The following FHIT variants were observed in gnomAD, a reference collection of about 807,000 sequenced individuals.
FHIT encodes bis(5'-adenosyl)-triphosphatase.
Under a neutral mutation model 17.9 loss-of-function variants are expected in FHIT, and 19 were observed. The ratio of observed to expected loss-of-function variants is 1.06; its 90% confidence interval spans 0.74 to 1.56. The LOEUF (loss-of-function observed/expected upper bound fraction) is 1.56. Among genes scored for constraint, FHIT ranks in the 40% most tolerant of loss-of-function variants. The probability of loss-of-function intolerance (pLI) is 0.00; values close to 1 mark genes in which losing one functional copy is unlikely to be tolerated. For synonymous variants in FHIT, 81 were observed against 69.7 expected, an observed-to-expected ratio of 1.16 and a Z score of -0.81; for missense variants, 248 against 189.2, an observed-to-expected ratio of 1.31 and a Z score of -1.82.
At chr3:60,888,798 A>T (rs2107162876) in intron 3 of FHIT, among the ~76,000 whole-genome samples, 1 of 152,312 alleles carries the variant, frequency 6.6e-6, no homozygotes, top group East Asian at 1.9e-4. Flanking sequence ...TTATTTTGAG[A>T]TAATTATAGA....
intron 8 of FHIT, among the ~76,000 whole-genome samples, chr3:59,783,836 T>C (rs556720226): frequency 6.6e-6 from 1 of 152,158 alleles, no homozygotes; most frequent in East Asian, 1.9e-4. Context: ...TGGAAAGTGA[T>C]GGGGGAAACT....
chr3:60,962,305 G>A (rs1448115571), intron 3 of FHIT, among the ~76,000 whole-genome samples: 1 of 152,162 alleles, frequency 6.6e-6, no homozygotes, highest in African/African-American at 2.4e-5. Context: ...TGCTGAAGTT[G>A]CTTATCAGCT....
At chr3:60,849,310 G>A (rs1334373442) in intron 3 of FHIT, among the ~76,000 whole-genome samples, 2 of 151,778 alleles carry the variant, frequency 1.3e-5, no homozygotes, top group Non-Finnish European at 2.9e-5. Context: ...ACGTAGATGT[G>A]TGATTATACC....
intron 8 of FHIT, among the ~76,000 whole-genome samples, chr3:59,819,346 A>G (rs879939023): frequency 6.6e-6 from 1 of 152,130 alleles, no homozygotes; most frequent in Non-Finnish European, 1.5e-5. Context: ...GGTCCCACAA[A>G]TTCCTGATCT....
chr3:60,879,094 A>G (rs889941405), intron 3 of FHIT, among the ~76,000 whole-genome samples: 1 of 152,202 alleles, frequency 6.6e-6, no homozygotes, highest in Non-Finnish European at 1.5e-5. Context: ...GAACTAGTTT[A>G]CATTCCCACC....
intron 4 of FHIT, among the ~76,000 whole-genome samples, chr3:60,805,995 G>A (rs1553733957): frequency 1.3e-5 from 2 of 152,160 alleles, no homozygotes; most frequent in Non-Finnish European, 2.9e-5. Flanking sequence ...ATAGAAGCAT[G>A]AATATTCTGT....
intron 5 of FHIT, among the ~76,000 whole-genome samples, chr3:60,435,737 G>C (rs146901103): frequency 1.3e-5 from 2 of 152,036 alleles, no homozygotes; most frequent in Non-Finnish European, 2.9e-5. Flanking sequence ...TTGTTGTACA[G>C]ATTATTTCAT....
At chr3:61,154,951 A>G (rs1291628573) in intron 2 of FHIT, among the ~76,000 whole-genome samples, 1 of 152,184 alleles carries the variant, frequency 6.6e-6, no homozygotes, top group African/African-American at 2.4e-5. Context: ...CCTCAAAGGG[A>G]GGACCCGACA....
At chr3:60,386,737 A>G (rs1701025657) in intron 5 of FHIT, among the ~76,000 whole-genome samples, 1 of 152,194 alleles carries the variant, frequency 6.6e-6, no homozygotes, top group Non-Finnish European at 1.5e-5. Flanking sequence ...GTACCTAACA[A>G]AGAAACCAAC....
intron 5 of FHIT, among the ~76,000 whole-genome samples, chr3:60,087,443 G>C (rs1703543778): frequency 1.3e-5 from 2 of 152,106 alleles, no homozygotes; most frequent in Non-Finnish European, 1.5e-5. Flanking sequence ...CCCACCAAAT[G>C]GCCAGGCTGC....
At chr3:60,716,265 TCACA>T (rs781893881) in intron 4 of FHIT, among the ~76,000 whole-genome samples, 1 of 150,430 alleles carries the variant, frequency 6.6e-6, no homozygotes, top group East Asian at 1.9e-4. Context: ...ACACACACAC[TCACA>T]CACACACACA....
chr3:60,663,168 A>ATATATATATATATATAT (rs1553691642), intron 4 of FHIT, among the ~76,000 whole-genome samples: 7 of 139,494 alleles, frequency 5.0e-5, no homozygotes, highest in African/African-American at 1.3e-4. Flanking sequence ...ATATCTCTTT[A>ATATATATATATATATAT]ATGTTGGGTT....
At chr3:60,183,546 CCA>C (rs1157914763) in intron 5 of FHIT, among the ~76,000 whole-genome samples, 1 of 152,138 alleles carries the variant, frequency 6.6e-6, no homozygotes, top group Non-Finnish European at 1.5e-5. Flanking sequence ...CTTAGAAGCT[CCA>C]CAGACTTGAC....
At chr3:60,326,700 T>C (rs1709712275) in intron 5 of FHIT, among the ~76,000 whole-genome samples, 1 of 152,188 alleles carries the variant, frequency 6.6e-6, no homozygotes, top group African/African-American at 2.4e-5. Context: ...AAATGGACGA[T>C]GTCCCCTTAA....
intron 8 of FHIT, among the ~76,000 whole-genome samples, chr3:59,790,775 C>A (rs1012748998): frequency 2.0e-5 from 3 of 152,124 alleles, no homozygotes; most frequent in African/African-American, 7.2e-5. Flanking sequence ...CTATGAGAGC[C>A]AAATCACTAC....
chr3:60,893,634 T>C (rs1175652305), intron 3 of FHIT, among the ~76,000 whole-genome samples: 3 of 152,208 alleles, frequency 2.0e-5, no homozygotes, highest in Non-Finnish European at 4.4e-5. Context: ...TATACTTTTC[T>C]TGACAGCTAG....
Position 60,079,698 on chromosome 3 carries a change from A to G in FHIT, c.104-65546T>C, listed in dbSNP as rs139483243. ...ATACGTGGGAAGGAAATAAATGGTG[A>G]GCTCTTCCTTACTTCACCACCTGTC... is the stretch of plus-strand genomic sequence containing the variant. On this transcript the variant is annotated intron_variant, in intron 5 of 9. Coordinates refer to ENST00000492590, the MANE Select transcript of FHIT (RefSeq NM_002012.4). Among the ~76,000 whole-genome samples, 286 of 152,182 alleles carry G rather than the reference A, an allele frequency of 1.9e-3. 2 individuals are homozygous for G. Among genetic ancestry groups the G allele is most frequent in the African/African-American group, 6.0e-3 (250 of 41,528 alleles).
chr3:60,524,324 T>C (rs2035493361), intron 5 of FHIT, among the ~76,000 whole-genome samples: 1 of 151,780 alleles, frequency 6.6e-6, no homozygotes, highest in South Asian at 2.1e-4. Flanking sequence ...TTTAAGATAA[T>C]GGGAAAGACT....
At chr3:60,665,171 C>T (rs1277398896) in intron 4 of FHIT, among the ~76,000 whole-genome samples, 1 of 151,856 alleles carries the variant, frequency 6.6e-6, no homozygotes, top group Non-Finnish European at 1.5e-5. Context: ...TAAAAATTTG[C>T]TAAGCATTTT....
Sources: gnomAD v4.1 joint callset for allele counts (sites outside exome capture counted in the v4.1 genomes callset) on GRCh38, gnomAD v4.1.1 for gene constraint, MANE v1.5 for transcripts, NCBI Gene and HGNC (gene_info 2026-07-23, HGNC 2026-07-21) for gene names.